Variants in MMP20 observed in about 807,000 individuals in gnomAD.
MMP20 encodes matrix metallopeptidase 20.
MMP20 carries 50 observed loss-of-function variants against 51.8 expected under a neutral mutation model. The ratio of observed to expected loss-of-function variants is 0.97; its 90% CI spans 0.77 to 1.22. MMP20 has a LOEUF of 1.22. Among genes scored for constraint, MMP20 ranks in the 50% most tolerant of loss-of-function variants. The pLI is 0.00. For synonymous variants in MMP20, 244 were observed against 216.2 expected (o/e 1.13, Z -1.13); for missense variants, 663 against 601.4 (o/e 1.10, Z -1.07).
At chr11:102,587,790 T>A (rs1329085323) in intron 8 of MMP20, among the ~76,000 whole-genome samples, 1 of 152,186 alleles carries the variant, frequency 6.6e-6, no homozygotes, top group Non-Finnish European at 1.5e-5. Flanking sequence ...GCTATTTGCA[T>A]GATATATTTT....
chr11:102,594,428 C>A (rs138735542), intron 7 of MMP20, among the ~76,000 whole-genome samples, 193 bp downstream of exon 7: 1 of 152,348 alleles, frequency 6.6e-6, no homozygotes, highest in Non-Finnish European at 1.5e-5. Context: ...CTCAGGGCCA[C>A]TGCCATCATT....
At chr11:102,585,412 T>G (rs565892178) in intron 8 of MMP20, among the ~76,000 whole-genome samples, 4 of 152,324 alleles carry the variant, frequency 2.6e-5, no homozygotes, top group African/African-American at 9.6e-5. Context: ...AATTGTTTGT[T>G]CAGGTGTATA....
chr11:102,625,212 G>A lies in MMP20; in HGVS notation c.108C>T (p.Asn36=). The A allele has an allele frequency of 6.2e-7, 1 of 1,614,018 alleles. No homozygotes were observed. The highest frequency in any genetic ancestry group is 8.5e-7 in the Non-Finnish European group (1 of 1,179,976). Residue 36 remains asparagine, a synonymous_variant, in exon 1 of 10, where the codon AAC becomes AAT. Coordinates refer to ENST00000260228, the MANE Select transcript of MMP20 (RefSeq NM_004771.4). ...LVAASPRTWR[N]NYRLAQAYLD... is the part of the protein sequence containing the mutation. ...CACAAACCTGTGCGAGGCGGTAGTT[G>A]TTCCTCCAGGTCCTGGGGGAGGCTG... is the stretch of plus-strand genomic sequence containing the variant.
chr11:102,577,489 A>C (rs1275061744), intron 9 of MMP20, 63 bp from the exon 10 acceptor site: 2 of 1,131,044 alleles, frequency 1.8e-6, no homozygotes, highest in African/African-American at 3.1e-5. Context: ...AAATGGAAGA[A>C]TTTGTCACTG....
intron 2 of MMP20, among the ~76,000 whole-genome samples, chr11:102,616,521 A>C (rs2135946365): frequency 6.6e-6 from 1 of 152,178 alleles, no homozygotes; most frequent in East Asian, 1.9e-4. Context: ...ACTGGTTTGT[A>C]CTGCCAGGTC....
chr11:102,596,709 G>T (rs1859385128), intron 6 of MMP20, among the ~76,000 whole-genome samples: 1 of 152,342 alleles, frequency 6.6e-6, no homozygotes, highest in South Asian at 2.1e-4. Context: ...AGACGGCCCA[G>T]CTCAGGCTCT....
chr11:102,598,358 C>G (rs1318624681), intron 6 of MMP20, among the ~76,000 whole-genome samples: 1 of 152,106 alleles, frequency 6.6e-6, no homozygotes, highest in South Asian at 2.1e-4. Flanking sequence ...TATCACTAGT[C>G]TATAATTTGA....
chr11:102,601,122 ATTCT>A (rs1286852793), intron 6 of MMP20, among the ~76,000 whole-genome samples: 2 of 36,986 alleles, frequency 5.4e-5, no homozygotes, highest in East Asian at 1.6e-3. Context: ...AGTGTCGGCT[ATTCT>A]TTTTTTTTTT....
At chr11:102,590,733 G>A (rs918279710) in intron 8 of MMP20, among the ~76,000 whole-genome samples, 16 of 152,152 alleles carry the variant, frequency 1.1e-4, no homozygotes, top group African/African-American at 3.9e-4. Flanking sequence ...CATAACTTGA[G>A]GCTTGGGACC....
intron 1 of MMP20, among the ~76,000 whole-genome samples, chr11:102,624,378 T>C (rs527985187): frequency 6.8e-6 from 1 of 146,280 alleles, no homozygotes; most frequent in Non-Finnish European, 1.5e-5. Flanking sequence ...ACCCTTCTTT[T>C]AAAAACAAAA....
chr11:102,587,551 T>C (rs185909639), intron 8 of MMP20, among the ~76,000 whole-genome samples: 5 of 152,334 alleles, frequency 3.3e-5, no homozygotes, highest in Admixed American at 3.3e-4. Flanking sequence ...GGTATTGAAA[T>C]CTTTAACTAT....
At chr11:102,615,894 C>T (rs932210881) in intron 2 of MMP20, among the ~76,000 whole-genome samples, 2 of 152,160 alleles carry the variant, frequency 1.3e-5, no homozygotes, top group Admixed American at 1.3e-4. Context: ...CCCACGCAGG[C>T]AGGCACCATC....
In MMP20 at chr11:102,609,099, C is replaced by T; in HGVS notation, c.650-1G>A. Reference sequence around the variant, plus strand: ...GCAGCAACGGTAAACAAATTAAAACCTAGACAATATGAGAGAGAAAAAAAC... The same window carrying T: ...GCAGCAACGGTAAACAAATTAAAACTTAGACAATATGAGAGAGAAAAAAAC... On this transcript the variant is annotated splice_acceptor_variant, in intron 4 of 9. Transcript: ENST00000260228. LOFTEE classifies it high-confidence loss of function. The T allele has an allele frequency of 6.2e-7, 1 of 1,614,078 alleles. No individual in the cohort carries two copies. Among genetic ancestry groups the T allele is most frequent in the South Asian group, 1.1e-5 (1 of 91,070 alleles).
chr11:102,599,021 T>A (rs2135936357), intron 6 of MMP20, among the ~76,000 whole-genome samples: 1 of 150,734 alleles, frequency 6.6e-6, no homozygotes, highest in East Asian at 1.9e-4. Flanking sequence ...TCTTTTTTTT[T>A]TTTTTTTTTG....
intron 6 of MMP20, among the ~76,000 whole-genome samples, chr11:102,604,140 G>T (rs1859484009): frequency 6.6e-6 from 1 of 151,522 alleles, no homozygotes; most frequent in South Asian, 2.1e-4. Context: ...ACAAGAATAA[G>T]CTACACCCTG....
At chr11:102,580,846 T>G (rs182388199) in intron 8 of MMP20, among the ~76,000 whole-genome samples, 153 of 152,294 alleles carry the variant, frequency 1.0e-3, no homozygotes, top group African/African-American at 3.4e-3. Flanking sequence ...AAAAGATGGT[T>G]CTCGCCAATA....
chr11:102,616,546 A>T (rs966161562), intron 2 of MMP20, among the ~76,000 whole-genome samples: 1 of 152,192 alleles, frequency 6.6e-6, no homozygotes, highest in African/African-American at 2.4e-5. Context: ...ATCCTAGACT[A>T]GATTAAAGAT....
chr11:102,604,627 C>T (rs1281201201), intron 6 of MMP20, among the ~76,000 whole-genome samples: 1 of 152,152 alleles, frequency 6.6e-6, no homozygotes, highest in Non-Finnish European at 1.5e-5. Context: ...CTGGGCTCAG[C>T]TCTAATTTGC....
intron 7 of MMP20, among the ~76,000 whole-genome samples, chr11:102,594,035 C>T (rs1005683175): frequency 2.1e-4 from 32 of 152,320 alleles, no homozygotes; most frequent in African/African-American, 6.7e-4. Flanking sequence ...TGGATAACTT[C>T]CATTGGCTCG....
Sources: gnomAD v4.1 joint callset for allele counts (sites outside exome capture counted in the v4.1 genomes callset) on GRCh38, gnomAD v4.1.1 for gene constraint, MANE v1.5 for transcripts, NCBI Gene and HGNC (gene_info 2026-07-23, HGNC 2026-07-21) for gene names.